ZNF33B: variants seen among roughly 807,000 people sequenced by gnomAD.
ZNF33B encodes zinc finger protein 33B.
A neutral mutation model predicts 45.8 loss-of-function variants in ZNF33B; 29 were observed. The ratio of observed to expected loss-of-function variants is 0.63; its 90% CI spans 0.47 to 0.86. The LOEUF (loss-of-function observed/expected upper bound fraction) is 0.86, where lower values mean the gene tolerates loss of function less well. Among genes scored for constraint, ZNF33B ranks in the 40% least tolerant of loss-of-function variants. ZNF33B has a pLI of 0.00. For missense variants in ZNF33B, 831 were observed against 909.9 expected, an observed-to-expected ratio of 0.91 and a Z score of 1.12; for synonymous variants, 305 against 307.8, an observed-to-expected ratio of 0.99 and a Z score of 0.10.
At chr10:42,611,564 C>A (rs1286892308) in intron 4 of ZNF33B, among the ~76,000 whole-genome samples, 3 of 151,998 alleles carry the variant, frequency 2.0e-5, no homozygotes, top group Non-Finnish European at 4.4e-5. Flanking sequence ...GATAAAGTAC[C>A]AAAAATACAA....
intron 4 of ZNF33B, among the ~76,000 whole-genome samples, chr10:42,630,614 G>C (rs1016589750): frequency 1.3e-5 from 2 of 152,116 alleles, no homozygotes; most frequent in African/African-American, 4.8e-5. Flanking sequence ...AATACTGAAA[G>C]AATCAAACCT....
chr10:42,633,814 A>G (rs1839162342), intron 2 of ZNF33B, among the ~76,000 whole-genome samples: 1 of 152,036 alleles, frequency 6.6e-6, no homozygotes, highest in Admixed American at 6.6e-5. Flanking sequence ...CTAAAAATAC[A>G]AAAAATTAGC....
intron 4 of ZNF33B, among the ~76,000 whole-genome samples, chr10:42,622,172 T>C (rs1177640609): frequency 6.6e-6 from 1 of 152,116 alleles, no homozygotes; most frequent in African/African-American, 2.4e-5. Context: ...AAAATACTGA[T>C]GAAAAATATT....
chr10:42,597,854 A>G (rs1284778556), intron 4 of ZNF33B, among the ~76,000 whole-genome samples: 1 of 152,206 alleles, frequency 6.6e-6, no homozygotes, highest in Non-Finnish European at 1.5e-5. Flanking sequence ...ATATAAATTT[A>G]TACAATGGCA....
chr10:42,617,594 T>C (rs1436774589), intron 4 of ZNF33B, among the ~76,000 whole-genome samples: 3 of 152,212 alleles, frequency 2.0e-5, no homozygotes, highest in Non-Finnish European at 2.9e-5. Context: ...TGTGTATATT[T>C]AGTTCTATAA....
intron 4 of ZNF33B, among the ~76,000 whole-genome samples, chr10:42,595,363 TG>T (rs1443768014): frequency 1.3e-4 from 20 of 152,196 alleles, no homozygotes; most frequent in African/African-American, 4.8e-4. Flanking sequence ...AGACTTGGAT[TG>T]TATGTAAACT....
rs191818900 is a variant in ZNF33B at position 42,627,913 on chromosome 10, T to G, written c.250+4016A>C. ...CATACTCAGAATGATTTCAATTCTT[T>G]TAAATCTGCCAAGGCTTATTTATGG... On this transcript the variant is annotated intron_variant, in intron 4 of 4. Transcript: ENST00000359467. Among the ~76,000 whole-genome samples the G allele has an allele frequency of 5.3e-5, 8 of 152,380 alleles. No homozygotes were observed. In the East Asian group the frequency reaches 1.5e-3, roughly 29 times the overall value.
chr10:42,601,542 A>G (rs1168575238), intron 4 of ZNF33B, among the ~76,000 whole-genome samples: 1 of 134,574 alleles, frequency 7.4e-6, no homozygotes, highest in Non-Finnish European at 1.5e-5. Context: ...GTGCAATCTC[A>G]GCCTCACTGC....
intron 1 of ZNF33B, among the ~76,000 whole-genome samples, chr10:42,637,442 C>T (rs1413776374): frequency 1.3e-5 from 2 of 152,172 alleles, no homozygotes; most frequent in African/African-American, 4.8e-5. Context: ...GTTTTAATTT[C>T]TTCATCTAAC....
intron 3 of ZNF33B, 85 bp from the exon 4 acceptor site, chr10:42,632,109 T>A: frequency 6.6e-7 from 1 of 1,518,596 alleles, no homozygotes; most frequent in Non-Finnish European, 9.1e-7. Context: ...TGGGGCTGCT[T>A]CAAGTTGCCA....
At chr10:42,630,816 AT>A (rs1564527512) in intron 4 of ZNF33B, among the ~76,000 whole-genome samples, 1 of 152,142 alleles carries the variant, frequency 6.6e-6, no homozygotes, top group Non-Finnish European at 1.5e-5. Flanking sequence ...CACTAAACAG[AT>A]TTTAACCAAA....
At chr10:42,638,406 C>G (rs930268694) in intron 1 of ZNF33B, 68 bp downstream of exon 1, 10 of 354,362 alleles carry the variant, frequency 2.8e-5, no homozygotes, top group South Asian at 6.5e-5. Context: ...GGCACTGGCC[C>G]CCGGCTGCCT....
intron 4 of ZNF33B, among the ~76,000 whole-genome samples, chr10:42,627,796 G>T (rs1371268594): frequency 2.0e-5 from 3 of 151,984 alleles, no homozygotes; most frequent in Non-Finnish European, 4.4e-5. Context: ...TTATTTAGAA[G>T]TCTGATGTTT....
At chr10:42,583,426 T>C (rs1454740154) in intron 1 of ZNF33B, 1 of 322,594 alleles carries the variant, frequency 3.1e-6, no homozygotes, top group African/African-American at 2.1e-5. Flanking sequence ...AATTTGGAAG[T>C]GGTATTGCCC....
intron 2 of ZNF33B, among the ~76,000 whole-genome samples, chr10:42,635,037 AGGAGTTTGAGACCAGCCT>A (rs1839224732): frequency 6.6e-6 from 1 of 152,168 alleles, no homozygotes. Context: ...ACTTGAGGCC[AGGAGTTTGAGACCAGCCT>A]GGCCAAGTGA....
rs1045697115 is a variant in ZNF33B at position 42,592,516 on chromosome 10, T to C, written c.*97A>G. The C allele has an allele frequency of 6.8e-6, 10 of 1,465,864 alleles. No individual in the cohort carries two copies. The highest frequency in any genetic ancestry group is 1.4e-5 in the African/African-American group (1 of 70,638). The allele number at this position is 1,465,864 out of a possible 1,614,324, so 90.8% of individuals were successfully genotyped here. A position where few individuals can be genotyped will look rare whatever the true frequency, so the allele number is the denominator to read the frequency against. On this transcript the variant is annotated 3_prime_UTR_variant, in exon 5 of 5. Transcript: ENST00000359467. ...CATAAGGCGAGTTTGTGGATAGTTA[T>C]TGAACATTCAGGATGTCAACAGGCC...
At chr10:42,632,466 G>C (rs769487714) in intron 2 of ZNF33B, 27 bp from the exon 3 acceptor site, 5 of 1,604,618 alleles carry the variant, frequency 3.1e-6, no homozygotes, top group Non-Finnish European at 4.2e-6. Context: ...TAGGTGGCAT[G>C]AAAAAAGAAG....
At chr10:42,612,745 T>C (rs966581585) in intron 4 of ZNF33B, among the ~76,000 whole-genome samples, 3 of 152,234 alleles carry the variant, frequency 2.0e-5, no homozygotes, top group African/African-American at 7.2e-5. Flanking sequence ...TCCCTTTGCA[T>C]CTCTTTTCTG....
intron 3 of ZNF33B, 47 bp downstream of exon 3, chr10:42,632,248 C>A (rs778055878): frequency 6.3e-7 from 1 of 1,577,064 alleles, no homozygotes; most frequent in Admixed American, 1.9e-5. Context: ...GTTTTATAAT[C>A]AAAATAAACG....
Sources: allele counts gnomAD v4.1 joint callset (sites outside exome capture counted in the v4.1 genomes callset), GRCh38; gene constraint gnomAD v4.1.1; transcripts MANE v1.5; gene names NCBI Gene and HGNC (gene_info 2026-07-23, HGNC 2026-07-21).